LONRF2: variants seen among roughly 807,000 people sequenced by gnomAD.
LONRF2 encodes LON peptidase N-terminal domain and RING finger protein 2.
In LONRF2, 35 loss-of-function variants were observed where a neutral mutation model predicts 66.6. That is an observed-to-expected ratio of 0.53 (90% CI 0.40 to 0.70). The LOEUF (loss-of-function observed/expected upper bound fraction) is 0.70. Ranked by LOEUF, LONRF2 falls within the 30% of genes least tolerant of loss-of-function variation. The pLI, the probability that LONRF2 is intolerant of heterozygous loss-of-function variation, is 0.00. For synonymous variants in LONRF2, 417 were observed against 418.1 expected, an observed-to-expected ratio of 1.00 and a Z score of 0.03; for missense variants, 902 against 1,002.1, an observed-to-expected ratio of 0.90 and a Z score of 1.35.
intron 11 of LONRF2, 126 bp downstream of exon 11, chr2:100,286,788 G>T: frequency 1.8e-6 from 2 of 1,084,680 alleles, no homozygotes; most frequent in East Asian, 2.6e-5. Flanking sequence ...GTTAGTAGAT[G>T]AACTGGTTCA....
intron 1 of LONRF2, among the ~76,000 whole-genome samples, chr2:100,313,030 G>A (rs1675439098): frequency 6.6e-6 from 1 of 152,192 alleles, no homozygotes; most frequent in African/African-American, 2.4e-5. Context: ...CTAAGACCCA[G>A]GCTTTGAGAG....
chr2:100,288,570 C>T (rs1573110395), intron 10 of LONRF2, among the ~76,000 whole-genome samples: 1 of 152,230 alleles, frequency 6.6e-6, no homozygotes, highest in African/African-American at 2.4e-5. Context: ...GTCTGACCAT[C>T]ACCCAAAACC....
chr2:100,292,744 C>G (rs1172831106), intron 9 of LONRF2, among the ~76,000 whole-genome samples: 1 of 152,154 alleles, frequency 6.6e-6, no homozygotes, highest in Non-Finnish European at 1.5e-5. Flanking sequence ...AAATCTTTCC[C>G]CACTCCTAAT....
Position 100,274,072 on chromosome 2 carries a change from GA to G in LONRF2, c.*10225del, listed in dbSNP as rs1276783087. The G allele has an allele frequency of 6.6e-6, 1 of 152,130 alleles. No individual in the cohort carries two copies. The highest frequency in any genetic ancestry group is 2.4e-5 in the African/African-American group (1 of 41,430). The allele number at this position is 152,130 out of a possible 1,614,324, so 9.4% of individuals were successfully genotyped here. On this transcript the variant is annotated 3_prime_UTR_variant, in exon 12 of 12. Coordinates refer to ENST00000393437, the MANE Select transcript of LONRF2 (RefSeq NM_198461.4). The stretch of plus-strand genomic sequence containing the variant: ...AATGCAATTTTTGAAAATGATCCCT[GA>G]AAAGCAAAAGGTTAGAGATACTCAT...
Position 100,295,708 on chromosome 2 carries a change from G to A in LONRF2, c.1477-155C>T, listed in dbSNP as rs577933169. Among the ~76,000 whole-genome samples, 6 of 152,314 alleles carry A rather than the reference G, an allele frequency of 3.9e-5. No homozygotes were observed. In the East Asian group the frequency reaches 1.2e-3, roughly 29 times the overall value. On this transcript the variant is annotated intron_variant, in intron 7 of 11. Transcript: ENST00000393437. ...AGAGAGGCGGGCCAGCCTGTAACAA[G>A]AGCAGGGGCAGCCCCTCCACTGTGA...
chr2:100,274,819 G>A lies in LONRF2; in HGVS notation c.*9479C>T, dbSNP rs1342570836. On this transcript the variant is annotated 3_prime_UTR_variant, in exon 12 of 12. Coordinates refer to ENST00000393437, the MANE Select transcript of LONRF2 (RefSeq NM_198461.4). Reference sequence around the variant, plus strand: ...CTAGTTCTGCCTCCTGACCACTCTGGTGCGTCCTCCTCCTGTGGCCCTGCG... The same window carrying A: ...CTAGTTCTGCCTCCTGACCACTCTGATGCGTCCTCCTCCTGTGGCCCTGCG... 2 of 152,760 alleles carry A rather than the reference G, an allele frequency of 1.3e-5. No individual in the cohort carries two copies. The highest frequency in any genetic ancestry group is 2.9e-5 in the Non-Finnish European group (2 of 68,332). 9.5% of individuals were successfully genotyped at this position (152,760 alleles called of 1,614,324 possible). A position where few individuals can be genotyped will look rare whatever the true frequency, so the allele number is the denominator to read the frequency against.
rs1675640991 is a variant in LONRF2, at chr2:100,321,881, G to A, written c.213C>T (p.Ala71=). 1.6e-6 allele frequency: 2 copies of A among 1,219,192 alleles called. No individual in the cohort carries two copies. The allele number at this position is 1,219,192 out of a possible 1,614,324, so 75.5% of individuals were successfully genotyped here. A position where few individuals can be genotyped will look rare whatever the true frequency, so the allele number is the denominator to read the frequency against. ...CGCCCAGGGCTTCGGGGAGGCGGCC[G>A]GCGCGGGCCAGCGCGTCCCCCAGCC... The part of the protein sequence containing the change: ...CLRLGDALAR[A]GRLPEALGAF... Residue 71 remains alanine, a synonymous_variant, in exon 1 of 12, where the codon GCC becomes GCT. Coordinates refer to ENST00000393437, the MANE Select transcript of LONRF2 (RefSeq NM_198461.4).
Position 100,299,805 on chromosome 2 carries a change from T to C in LONRF2, c.1179A>G (p.Thr393=), listed in dbSNP as rs747433141. ...GTCTCTTTAAGCCAGCGCTGGGTGC[T>C]GTTGGAAGGATGCTTTCTAACGCCT... ...DKKALESILP[T]APSAGLKRQF... Residue 393 remains threonine (T), a synonymous_variant, in exon 5 of 12, where the codon ACA becomes ACG. Coordinates refer to ENST00000393437, the MANE Select transcript of LONRF2 (RefSeq NM_198461.4). 3 of 1,613,886 alleles carry C rather than the reference T, an allele frequency of 1.9e-6. No individual in the cohort carries two copies. The highest frequency in any genetic ancestry group is 2.5e-6 in the Non-Finnish European group (3 of 1,179,952).
chr2:100,305,397 C>A (rs975798585), intron 2 of LONRF2, among the ~76,000 whole-genome samples: 2 of 152,114 alleles, frequency 1.3e-5, no homozygotes, highest in Admixed American at 6.5e-5. Flanking sequence ...AAACCACTAC[C>A]CCTGTTAATG....
At chr2:100,299,158 A>T in intron 6 of LONRF2, 68 bp downstream of exon 6, 1 of 1,174,750 alleles carries the variant, frequency 8.5e-7, no homozygotes, top group Non-Finnish European at 1.2e-6. Flanking sequence ...AAAGCCCATT[A>T]CACTTTGGTA....
intron 2 of LONRF2, among the ~76,000 whole-genome samples, chr2:100,308,568 A>G (rs964298931): frequency 1.6e-4 from 24 of 152,180 alleles, no homozygotes; most frequent in Non-Finnish European, 3.2e-4. Flanking sequence ...AAACTTCTTT[A>G]AGTACAACTT....
rs1675348938 is a variant in LONRF2 at position 100,308,862 on chromosome 2, T to C, written c.798+245A>G. Among the ~76,000 whole-genome samples, 2 of 152,176 alleles carry C rather than the reference T, an allele frequency of 1.3e-5. 1 individual carries two copies. Among genetic ancestry groups the C allele is most frequent in the East Asian group, 3.9e-4 (2 of 5,194 alleles). On this transcript the variant is annotated intron_variant, in intron 2 of 11. Coordinates refer to ENST00000393437, the MANE Select transcript of LONRF2 (RefSeq NM_198461.4). ...ATATATTTTTTCAATGTAGAGAGCA[T>C]ATTATTCAGCTAAATATCTATTAAG...
At position 100,298,775 on chromosome 2, in the gene LONRF2, GT is replaced by G. The variant is rs11324356; in HGVS notation, c.1476+60del. The G allele has an allele frequency of 4.8e-4, 600 of 1,247,830 alleles. 3 individuals carry two copies. In the African/African-American group the frequency reaches 8.0e-3, roughly 17 times the overall value. The allele number at this position is 1,247,830 out of a possible 1,614,324, so 77.3% of individuals were successfully genotyped here. On this transcript the variant is annotated intron_variant, in intron 7 of 11. Transcript: ENST00000393437. ...TGGGGGAAGCAACACGAGACAGGGA[GT>G]AAGCGTCCACCAAGGGATGAGAGGA...
At chr2:100,319,128 A>AAG (rs1675572385) in intron 1 of LONRF2, among the ~76,000 whole-genome samples, 2 of 151,866 alleles carry the variant, frequency 1.3e-5, no homozygotes, top group African/African-American at 4.8e-5. Flanking sequence ...CTTAAAAAAA[A>AAG]AAAAAAAAGT....
rs1396083310 is a variant in LONRF2, at chr2:100,277,501, C to T, written c.*6797G>A. ...TATTCTACCCACAGGAGGGTGGTCT[C>T]CCATGTCCTCAGTCCCTTGTGAGGT... On this transcript the variant is annotated 3_prime_UTR_variant, in exon 12 of 12. Transcript: ENST00000393437. The T allele has an allele frequency of 1.3e-5, 2 of 152,194 alleles. No homozygotes were observed. 9.4% of individuals were successfully genotyped at this position (152,194 alleles called of 1,614,324 possible).
chr2:100,286,612 C>T (rs1484207487), intron 11 of LONRF2, among the ~76,000 whole-genome samples: 1 of 152,172 alleles, frequency 6.6e-6, no homozygotes, highest in East Asian at 1.9e-4. Flanking sequence ...AATAAAGTTA[C>T]TACTTAAATT....
chr2:100,308,635 C>A (rs768122317), intron 2 of LONRF2, among the ~76,000 whole-genome samples: 18 of 152,148 alleles, frequency 1.2e-4, no homozygotes, highest in Non-Finnish European at 2.2e-4. Context: ...AAATAGTAAA[C>A]CTTTCCAAAC....
Position 100,282,666 on chromosome 2 carries a change from A to T in LONRF2, c.*1632T>A, listed in dbSNP as rs1349562032. On this transcript the variant is annotated 3_prime_UTR_variant, in exon 12 of 12. Coordinates refer to ENST00000393437, the MANE Select transcript of LONRF2 (RefSeq NM_198461.4). ...GAAATCACTTGGCCAAACTGCCATT[A>T]AACCATCTCAAGATGATATTTGAGA... is the stretch of plus-strand genomic sequence containing the variant. The T allele has an allele frequency of 6.6e-6, 1 of 152,212 alleles. No individual in the cohort carries two copies. Among genetic ancestry groups the T allele is most frequent in the African/African-American group, 2.4e-5 (1 of 41,458 alleles). The allele number at this position is 152,212 out of a possible 1,614,324, so 9.4% of individuals were successfully genotyped here.
At chr2:100,318,367 C>T (rs183662184) in intron 1 of LONRF2, among the ~76,000 whole-genome samples, 19 of 152,236 alleles carry the variant, frequency 1.2e-4, no homozygotes, top group East Asian at 1.9e-4. Context: ...TTTCAACATA[C>T]GTACTAGTTA....
Sources: gnomAD v4.1 joint callset for allele counts (sites outside exome capture counted in the v4.1 genomes callset) on GRCh38, gnomAD v4.1.1 for gene constraint, MANE v1.5 for transcripts, NCBI Gene and HGNC (gene_info 2026-07-23, HGNC 2026-07-21) for gene names.